HS6ST2: variants seen among roughly 807,000 people sequenced by gnomAD.
The protein encoded by HS6ST2 is heparan-sulfate 6-O-sulfotransferase 2.
A neutral mutation model predicts 33.0 loss-of-function variants in HS6ST2; 17 were observed. That is an observed-to-expected ratio of 0.52 (90% CI 0.35 to 0.77). HS6ST2 has a LOEUF of 0.77. Ranked by LOEUF, HS6ST2 falls within the 30% of genes least tolerant of loss-of-function variation. HS6ST2 has a pLI of 0.01. For synonymous variants in HS6ST2, 248 were observed against 237.1 expected (o/e 1.05, Z -0.42); for missense variants, 519 against 551.7 (o/e 0.94, Z 0.59).
chrX:132,656,745 C>T (rs555358861), intron 4 of HS6ST2, among the ~76,000 whole-genome samples: 1 of 111,948 alleles, frequency 8.9e-6, no homozygotes, highest in South Asian at 3.7e-4. Context: ...TAGGCAGATC[C>T]CAATATGTAA....
intron 3 of HS6ST2, among the ~76,000 whole-genome samples, chrX:132,705,228 A>G (rs2064180872): frequency 9.2e-6 from 1 of 108,848 alleles, no homozygotes; most frequent in African/African-American, 3.4e-5. Flanking sequence ...CGTGTGGAAA[A>G]GAGATCCCAA....
chrX:132,819,127 C>T (rs1225125625), intron 2 of HS6ST2, among the ~76,000 whole-genome samples: 4 of 110,765 alleles, frequency 3.6e-5, no homozygotes, highest in African/African-American at 1.3e-4. Flanking sequence ...TGTCCCCACA[C>T]TGAGAACCAA....
At chrX:132,772,853 A>G (rs1317602441) in intron 2 of HS6ST2, among the ~76,000 whole-genome samples, 1 of 88,750 alleles carries the variant, frequency 1.1e-5, no homozygotes, top group African/African-American at 4.3e-5. Flanking sequence ...ATAACATATA[A>G]TATAGTCTAT....
intron 2 of HS6ST2, among the ~76,000 whole-genome samples, chrX:132,835,451 C>T (rs749179428): frequency 9.0e-6 from 1 of 111,643 alleles, no homozygotes; most frequent in East Asian, 2.8e-4. Flanking sequence ...GTAATGACAG[C>T]GGCTCTCTTA....
At chrX:132,943,148 A>C (rs955375602) in intron 2 of HS6ST2, among the ~76,000 whole-genome samples, 24 of 112,160 alleles carry the variant, frequency 2.1e-4, no homozygotes, top group Non-Finnish European at 1.9e-5. Context: ...TGTTTTTTTA[A>C]AAACAAGCTA....
intron 2 of HS6ST2, among the ~76,000 whole-genome samples, chrX:132,887,989 G>A (rs1443137362): frequency 8.9e-6 from 1 of 111,917 alleles, no homozygotes; most frequent in Non-Finnish European, 1.9e-5. Flanking sequence ...GTTGCCAGAG[G>A]TCAAGAGTGA....
chrX:132,794,808 A>G (rs2065160026), intron 2 of HS6ST2, among the ~76,000 whole-genome samples: 1 of 110,798 alleles, frequency 9.0e-6, no homozygotes, highest in Non-Finnish European at 1.9e-5. Context: ...AGTTGTAATG[A>G]AGAAACTTGC....
At chrX:132,865,743 A>T (rs1185498166) in intron 2 of HS6ST2, among the ~76,000 whole-genome samples, 2 of 112,081 alleles carry the variant, frequency 1.8e-5, no homozygotes, top group Admixed American at 9.4e-5. Context: ...GGTGAGCATT[A>T]TTTCATGTGT....
chrX:132,743,692 C>T, intron 2 of HS6ST2, among the ~76,000 whole-genome samples: 1 of 111,678 alleles, frequency 9.0e-6, no homozygotes, highest in Admixed American at 9.5e-5. Flanking sequence ...GTGGTAGAGC[C>T]AGAATTTGAA....
intron 4 of HS6ST2, among the ~76,000 whole-genome samples, chrX:132,638,427 A>G (rs2063578268): frequency 9.0e-6 from 1 of 111,295 alleles, no homozygotes; most frequent in Admixed American, 9.6e-5. Flanking sequence ...GAAGTGTGGG[A>G]CTTCACAAGG....
chrX:132,817,517 A>G (rs1042044596), intron 2 of HS6ST2, among the ~76,000 whole-genome samples: 11 of 111,572 alleles, frequency 9.9e-5, no homozygotes, highest in Non-Finnish European at 1.7e-4. Context: ...AGAAACTCTA[A>G]TAAATTATCT....
intron 2 of HS6ST2, among the ~76,000 whole-genome samples, chrX:132,798,073 T>C (rs2065201471): frequency 1.0e-5 from 1 of 96,735 alleles, no homozygotes; most frequent in African/African-American, 3.7e-5. Context: ...GGCGGGAGTG[T>C]CCCATTCCCA....
intron 1 of HS6ST2, 77 bp from the exon 2 acceptor site, chrX:132,957,403 C>A: frequency 9.7e-7 from 1 of 1,035,737 alleles, no homozygotes; most frequent in South Asian, 2.4e-5. Flanking sequence ...CGCCCCCTTC[C>A]CCTGGAGCCG....
chrX:132,711,340 C>T lies in HS6ST2; in HGVS notation c.948-2846G>A, dbSNP rs189551884. On this transcript the variant is annotated intron_variant, in intron 2 of 4. Coordinates refer to ENST00000370833, the MANE Select transcript of HS6ST2 (RefSeq NM_001394073.1). ...TGAGAAATGAAAGTGAAACGATTCACTTTTGTATGAAGGATCCAAATTAAG... is the reference window on the plus strand; with the variant it reads ...TGAGAAATGAAAGTGAAACGATTCATTTTTGTATGAAGGATCCAAATTAAG... 2.1e-4 allele frequency among the ~76,000 whole-genome samples: 23 copies of T among 111,078 alleles called. No individual in the cohort carries two copies. In the East Asian group the frequency reaches 6.0e-3, roughly 29 times the overall value.
At chrX:132,775,807 T>C in intron 2 of HS6ST2, among the ~76,000 whole-genome samples, 1 of 112,014 alleles carries the variant, frequency 8.9e-6, no homozygotes, top group Non-Finnish European at 1.9e-5. Context: ...CTCTATCACC[T>C]TTCCGCTACT....
intron 2 of HS6ST2, among the ~76,000 whole-genome samples, chrX:132,757,894 T>G (rs189599359): frequency 3.6e-5 from 4 of 111,339 alleles, no homozygotes; most frequent in African/African-American, 1.3e-4. Flanking sequence ...CAGAATGGAG[T>G]CTGATTTTTC....
At chrX:132,765,747 G>A (rs780562140) in intron 2 of HS6ST2, among the ~76,000 whole-genome samples, 4 of 112,248 alleles carry the variant, frequency 3.6e-5, no homozygotes, top group South Asian at 3.7e-4. Flanking sequence ...CACTGCACCC[G>A]GCCCTAGATT....
intron 4 of HS6ST2, among the ~76,000 whole-genome samples, chrX:132,650,192 T>C (rs1333179557): frequency 2.7e-5 from 3 of 111,527 alleles, no homozygotes; most frequent in Non-Finnish European, 5.6e-5. Context: ...AGAAAACCCA[T>C]TCCGGAGGTT....
chrX:132,820,520 G>GC (rs750402166), intron 2 of HS6ST2, among the ~76,000 whole-genome samples: 3 of 111,584 alleles, frequency 2.7e-5, no homozygotes, highest in African/African-American at 9.8e-5. Context: ...ATCGGAGAAA[G>GC]CCCATGCAAC....
Sources: gnomAD v4.1 joint callset for allele counts (sites outside exome capture counted in the v4.1 genomes callset) on GRCh38, gnomAD v4.1.1 for gene constraint, MANE v1.5 for transcripts, NCBI Gene and HGNC (gene_info 2026-07-23, HGNC 2026-07-21) for gene names.